The following CREBZF variants were observed in gnomAD, a reference collection of about 807,000 sequenced individuals.
CREBZF encodes CREB/ATF bZIP transcription factor, also known as HCF-binding transcription factor Zhangfei.
Under a neutral mutation model 21.1 loss-of-function variants are expected in CREBZF, and 8 were observed. That is an observed-to-expected ratio of 0.38 (90% confidence interval 0.22 to 0.68). CREBZF has a LOEUF of 0.68. Ranked by LOEUF, CREBZF falls within the 30% of genes least tolerant of loss-of-function variation. The pLI is 0.51. For synonymous variants in CREBZF, 270 were observed against 223.3 expected (o/e 1.21, Z -1.86); for missense variants, 518 against 484.3 (o/e 1.07, Z -0.65).
At chr11:85,675,771 G>A (rs527778259) in intron 1 of CREBZF, among the ~76,000 whole-genome samples, 12 of 152,202 alleles carry the variant, frequency 7.9e-5, no homozygotes, top group Non-Finnish European at 1.8e-4. Flanking sequence ...GTACAGAGAC[G>A]AGGGTGCTCA....
rs747568421 is a variant in CREBZF at position 85,660,573 on chromosome 11, A to AT, written c.*3237dup. On this transcript the variant is annotated 3_prime_UTR_variant, in exon 1 of 1. Coordinates refer to ENST00000527447, the MANE Select transcript of CREBZF (RefSeq NM_001039618.4). ...GTCAGTTAACAGGTTGTAGGAAAAG[A>AT]TTCGTTTTTGCAGACACTGCTAAGC... 1 of 455,396 alleles carries AT rather than the reference A, an allele frequency of 2.2e-6. No individual in the cohort carries two copies. The highest frequency in any genetic ancestry group is 1.6e-5 in the South Asian group (1 of 64,404). The allele number at this position is 455,396 out of a possible 1,614,324, so 28.2% of individuals were successfully genotyped here.
intron 1 of CREBZF, among the ~76,000 whole-genome samples, chr11:85,672,065 C>T (rs2082915154): frequency 6.6e-6 from 1 of 152,252 alleles, no homozygotes; most frequent in Non-Finnish European, 1.5e-5. Context: ...TCTAAAATCT[C>T]GATGGAGGTT....
chr11:85,674,338 C>T (rs1387205510), intron 1 of CREBZF, among the ~76,000 whole-genome samples: 3 of 152,202 alleles, frequency 2.0e-5, no homozygotes, highest in South Asian at 2.1e-4. Flanking sequence ...TAACTAACTG[C>T]ATTGTCAATG....
At chr11:85,678,719 T>C (rs2082957058) in intron 1 of CREBZF, among the ~76,000 whole-genome samples, 1 of 152,256 alleles carries the variant, frequency 6.6e-6, no homozygotes, top group Non-Finnish European at 1.5e-5. Context: ...TTGAAATTCA[T>C]GCCATGTCAT....
At chr11:85,675,486 T>A (rs1341588745) in intron 1 of CREBZF, among the ~76,000 whole-genome samples, 2 of 152,200 alleles carry the variant, frequency 1.3e-5, no homozygotes, top group Non-Finnish European at 2.9e-5. Flanking sequence ...GTTTGCCATC[T>A]TATATGGGTG....
At chr11:85,669,519 T>C (rs949963293), upstream of CREBZF, among the ~76,000 whole-genome samples, 4 of 152,160 alleles carry the variant, frequency 2.6e-5, no homozygotes, top group East Asian at 5.8e-4. Context: ...AAAGTTCTTG[T>C]GGAGCCGACT....
intron 1 of CREBZF, among the ~76,000 whole-genome samples, chr11:85,676,177 C>T (rs946516343): frequency 6.6e-6 from 1 of 152,160 alleles, no homozygotes; most frequent in African/African-American, 2.4e-5. Flanking sequence ...TTGAGAATTG[C>T]TGCTTCAGTG....
intron 1 of CREBZF, chr11:85,682,606 T>TCCC: frequency 1.5e-5 from 3 of 204,628 alleles, no homozygotes; most frequent in South Asian, 5.7e-5. Flanking sequence ...CCTGCCCTAC[T>TCCC]CCCCCCAACG....
In CREBZF at chr11:85,663,992, A is replaced by G; in HGVS notation, c.884T>C (p.Leu295Pro). The G allele has an allele frequency of 6.2e-7, 1 of 1,612,934 alleles. No homozygotes were observed. Among genetic ancestry groups the G allele is most frequent in the African/African-American group, 1.3e-5 (1 of 74,988 alleles). Reference sequence around the variant, plus strand: ...GTCACCGGCGGGCGAGTCTCTGAAGAGCGAGGTGGTCAGCCGCAGTCCCAC... The same window carrying G: ...GTCACCGGCGGGCGAGTCTCTGAAGGGCGAGGTGGTCAGCCGCAGTCCCAC... ...SGVGLRLTTS[L>P]FRDSPAGDHD... The change falls in exon 1 of 1, where the codon CTC becomes CCC. Residue 295 changes from leucine to proline, a missense_variant. Leu to Pro is a moderately conservative substitution (Grantham distance 98, BLOSUM62 -3). This residue lies in a region of CREBZF where 114 missense variants were observed against 134.1 expected (regional missense o/e 0.85). Transcript: ENST00000527447.
chr11:85,681,071 C>G (rs1325067969), intron 1 of CREBZF, among the ~76,000 whole-genome samples: 2 of 152,216 alleles, frequency 1.3e-5, no homozygotes, highest in Non-Finnish European at 2.9e-5. Context: ...TTGCATATGA[C>G]CCAATTTTGG....
intron 1 of CREBZF, among the ~76,000 whole-genome samples, chr11:85,670,323 GA>G (rs2082903805): frequency 1.4e-4 from 1 of 6,908 alleles, no homozygotes; most frequent in Non-Finnish European, 2.5e-4. Flanking sequence ...TTTTTTTTTT[GA>G]GACGGAGTCT....
chr11:85,663,934 C>T lies in CREBZF; in HGVS notation c.942G>A (p.Lys314=). The part of the protein sequence containing the change: ...HDYALPVGKQ[K]QDLLEEDDSA... ...AGTCGTCCTCTTCCAGCAGGTCCTG[C>T]TTCTGCTTTCCCACCGGCAGAGCGT... The change falls in exon 1 of 1, where the codon AAG becomes AAA. Residue 314 remains lysine (K), a synonymous_variant. Transcript: ENST00000527447. 1 of 1,613,918 alleles carries T rather than the reference C, an allele frequency of 6.2e-7. No individual in the cohort carries two copies. Among genetic ancestry groups the T allele is most frequent in the Non-Finnish European group, 8.5e-7 (1 of 1,180,026 alleles).
Position 85,679,654 on chromosome 11 carries a change from C to T in CREBZF, n.147+3063G>A, listed in dbSNP as rs181198891. On this transcript the variant is annotated intron_variant and non_coding_transcript_variant, in intron 1 of 3. Transcript: ENST00000531515. Reference sequence around the variant, plus strand: ...AAATCCATGAGAGAAGCTAACACATCCAAACCTCTAGGAGAGAAATACTAA... The same window carrying T: ...AAATCCATGAGAGAAGCTAACACATTCAAACCTCTAGGAGAGAAATACTAA... 3.8e-4 allele frequency among the ~76,000 whole-genome samples: 58 copies of T among 152,306 alleles called. 1 individual carries two copies. The East Asian group carries it at 9.8e-3, about 26-fold the overall frequency.
rs1283946652 is a variant in CREBZF at position 85,660,001 on chromosome 11, C to G, written c.*3810G>C. ...AACTACCCACACATTTAATCATAAT[C>G]AACTTTTTCAAAGATATACAAATCA... On this transcript the variant is annotated 3_prime_UTR_variant, in exon 1 of 1. Coordinates refer to ENST00000527447, the MANE Select transcript of CREBZF (RefSeq NM_001039618.4). The G allele has an allele frequency of 2.0e-5, 3 of 152,088 alleles. No individual in the cohort carries two copies. Among genetic ancestry groups the G allele is most frequent in the Non-Finnish European group, 4.4e-5 (3 of 67,936 alleles). 9.4% of individuals were successfully genotyped at this position (152,088 alleles called of 1,614,324 possible). A position where few individuals can be genotyped will look rare whatever the true frequency, so the allele number is the denominator to read the frequency against.
rs2082588036 is a variant in CREBZF at position 85,658,737 on chromosome 11, G to A, written c.*5074C>T. 2.0e-5 allele frequency among the ~76,000 whole-genome samples: 3 copies of A among 151,724 alleles called. No homozygotes were observed. The highest frequency in any genetic ancestry group is 2.9e-5 in the Non-Finnish European group (2 of 67,824). On this transcript the variant is annotated 3_prime_UTR_variant, in exon 1 of 1. Coordinates refer to ENST00000527447, the MANE Select transcript of CREBZF (RefSeq NM_001039618.4). ...ATTATAGTACACTAAGAGCCAGAGG[G>A]GTCTAGGGAATTGATCTCAGTGGGT...
At position 85,664,614 on chromosome 11, in the gene CREBZF, T is replaced by TCGC; in HGVS notation, c.259_261dup (p.Ala87dup). ...GTCTCTTCCCCCGGGAGGCTGGCGA[T>TCGC]CGCCTCCTCCTCCATCTCCTCGGGG... On this transcript the variant is annotated inframe_insertion, in exon 1 of 1. Coordinates refer to ENST00000527447, the MANE Select transcript of CREBZF (RefSeq NM_001039618.4). This position sits in a 1 kb window ranked among gnomAD's most constrained non-coding sequence, Gnocchi z 5.5. 6.2e-7 allele frequency: 1 copy of TCGC among 1,613,410 alleles called. No individual in the cohort carries two copies. Among genetic ancestry groups the TCGC allele is most frequent in the South Asian group, 1.1e-5 (1 of 91,048 alleles).
At chr11:85,679,253 C>T (rs1385830434) in intron 1 of CREBZF, among the ~76,000 whole-genome samples, 1 of 152,196 alleles carries the variant, frequency 6.6e-6, no homozygotes, top group Admixed American at 6.5e-5. Context: ...CCTCTAATCA[C>T]TCCTACATTA....
rs1448810315 is a variant in CREBZF at position 85,660,373 on chromosome 11, GTATCTCTAT to G, written c.*3429_*3437del. 2 of 229,204 alleles carry G rather than the reference GTATCTCTAT, an allele frequency of 8.7e-6. No homozygotes were observed. Among genetic ancestry groups the G allele is most frequent in the African/African-American group, 4.7e-5 (2 of 42,374 alleles). 14.2% of individuals were successfully genotyped at this position (229,204 alleles called of 1,614,324 possible). ...TGTTCCAAGATTAACTTAGTCTCATGTATCTCTATTAAGTCTTTCAAGGATTCCAGAGAA... is the reference window on the plus strand; with the variant it reads ...TGTTCCAAGATTAACTTAGTCTCATGTAAGTCTTTCAAGGATTCCAGAGAA... On this transcript the variant is annotated 3_prime_UTR_variant, in exon 1 of 1. Transcript: ENST00000527447.
chr11:85,664,902 C>A lies in CREBZF; in HGVS notation c.-27G>T. The A allele has an allele frequency of 7.0e-7, 1 of 1,431,366 alleles. No homozygotes were observed. The highest frequency in any genetic ancestry group is 9.1e-7 in the Non-Finnish European group (1 of 1,097,040). The allele number at this position is 1,431,366 out of a possible 1,614,324, so 88.7% of individuals were successfully genotyped here. On this transcript the variant is annotated 5_prime_UTR_variant, in exon 1 of 1. Coordinates refer to ENST00000527447, the MANE Select transcript of CREBZF (RefSeq NM_001039618.4). This position sits in a 1 kb window ranked among gnomAD's most constrained non-coding sequence, Gnocchi z 5.5. ...AGGGCCAGCGGCGGGCCGCGGTAGG[C>A]CCCGGCCGCTAAGAGTGGGCCTCAC...
Sources: allele counts gnomAD v4.1 joint callset (sites outside exome capture counted in the v4.1 genomes callset), GRCh38; gene constraint gnomAD v4.1.1; regional missense constraint gnomAD v4.1.1; non-coding constraint Gnocchi (gnomAD v3.1); transcripts MANE v1.5; gene names NCBI Gene and HGNC (gene_info 2026-07-23, HGNC 2026-07-21).